NPHP1: variants seen among roughly 807,000 people sequenced by gnomAD.
NPHP1 encodes nephrocystin 1.
In NPHP1, 70 loss-of-function variants were observed where a neutral mutation model predicts 90.4. The ratio of observed to expected loss-of-function variants is 0.77; its 90% CI spans 0.64 to 0.95. The LOEUF (loss-of-function observed/expected upper bound fraction) is 0.95, where lower values mean the gene tolerates loss of function less well. NPHP1 is among the 40% of genes least tolerant of loss of function. The pLI is 0.00. For synonymous variants in NPHP1, 256 were observed against 271.7 expected (o/e 0.94, Z 0.57); for missense variants, 764 against 795.9 (o/e 0.96, Z 0.48).
intron 6 of NPHP1, among the ~76,000 whole-genome samples, chr2:110,167,653 T>C (rs1283465249): frequency 6.6e-6 from 1 of 152,112 alleles, no homozygotes; most frequent in Non-Finnish European, 1.5e-5. Context: ...AGTAAATTAC[T>C]GAACCCCTGA....
chr2:110,131,526 A>G (rs1679774049), intron 17 of NPHP1, among the ~76,000 whole-genome samples, 153 bp downstream of exon 17: 1 of 152,212 alleles, frequency 6.6e-6, no homozygotes, highest in Non-Finnish European at 1.5e-5. Context: ...GGATCTGAAG[A>G]TGTCCCATAA....
intron 2 of NPHP1, among the ~76,000 whole-genome samples, chr2:110,193,911 G>C (rs548791593): frequency 6.6e-6 from 1 of 152,204 alleles, no homozygotes; most frequent in African/African-American, 2.4e-5. Flanking sequence ...ATGACTACTG[G>C]ATACATAACG....
intron 11 of NPHP1, among the ~76,000 whole-genome samples, chr2:110,158,178 C>A (rs1432513661): frequency 2.0e-5 from 3 of 151,972 alleles, no homozygotes; most frequent in African/African-American, 7.2e-5. Flanking sequence ...TTATATGATT[C>A]CAATTCTTTT....
rs924850756 is a variant in NPHP1 at position 110,184,611 on chromosome 2, G to A, written c.144-4927C>T. 63 of 1,071,004 alleles carry A rather than the reference G, an allele frequency of 5.9e-5. No homozygotes were observed. The Admixed American group carries it at 6.6e-4, about 11-fold the overall frequency. The allele number at this position is 1,071,004 out of a possible 1,614,324, so 66.3% of individuals were successfully genotyped here. A position where few individuals can be genotyped will look rare whatever the true frequency, so the allele number is the denominator to read the frequency against. ...CCACTCCATCATGCGAATTGACATC[G>A]CAAGCTGGAACATCTCTCGCTTCCT... On this transcript the variant is annotated intron_variant, in intron 2 of 19. Transcript: ENST00000445609.
At chr2:110,143,909 C>T (rs965470526) in intron 15 of NPHP1, 1 of 421,158 alleles carries the variant, frequency 2.4e-6, no homozygotes, top group East Asian at 5.1e-5. Flanking sequence ...GCATCCCAGA[C>T]CCCAAACTCC....
At chr2:110,177,994 G>GC (rs768832454) in intron 4 of NPHP1, 9 of 200,808 alleles carry the variant, frequency 4.5e-5, no homozygotes, top group Non-Finnish European at 7.1e-5. Context: ...TCCTGCCTCA[G>GC]CCTTCCAAAA....
At chr2:110,143,698 A>T in intron 15 of NPHP1, 57 bp from the exon 16 acceptor site, 1 of 1,166,368 alleles carries the variant, frequency 8.6e-7, no homozygotes, top group Non-Finnish European at 1.3e-6. Flanking sequence ...GACAGTGAGT[A>T]TAATAAAACA....
At chr2:110,138,309 C>T (rs976957582) in intron 16 of NPHP1, among the ~76,000 whole-genome samples, 3 of 151,828 alleles carry the variant, frequency 2.0e-5, no homozygotes, top group Non-Finnish European at 2.9e-5. Flanking sequence ...TACCCTAAAA[C>T]TTATAATAAA....
At chr2:110,191,396 C>T (rs1684722746) in intron 2 of NPHP1, among the ~76,000 whole-genome samples, 3 of 152,196 alleles carry the variant, frequency 2.0e-5, no homozygotes, top group Admixed American at 2.0e-4. Context: ...GGGTCCTACG[C>T]CCAGAGAGCC....
rs763221050 is a variant in NPHP1 at position 110,148,003 on chromosome 2, C to A, written c.1182G>T (p.Leu394Phe). The A allele has an allele frequency of 1.2e-6, 2 of 1,607,654 alleles. No individual in the cohort carries two copies. The highest frequency in any genetic ancestry group is 1.7e-6 in the Non-Finnish European group (2 of 1,174,132). ...SPQVTRILPCLLDGDCFIRSN... is the reference protein window; with the variant it reads ...SPQVTRILPCFLDGDCFIRSN... ...ACCTGATAAAGCAATCACCATCAAG[C>A]AAACATGGTAAGATGCGAGTAACCT... Residue 394 changes from leucine (L) to phenylalanine (F), a missense_variant, in exon 13 of 20, where the codon TTG (leucine) becomes TTT (phenylalanine). By Grantham distance (22) the Leu-to-Phe change is conservative (BLOSUM62 0). Transcript: ENST00000445609.
chr2:110,199,094 G>GA (rs1032230632), intron 2 of NPHP1, among the ~76,000 whole-genome samples: 1 of 151,986 alleles, frequency 6.6e-6, no homozygotes, highest in African/African-American at 2.4e-5. Flanking sequence ...ATGATGCTAT[G>GA]AAAAAAGAAC....
chr2:110,178,724 A>G, intron 3 of NPHP1, 177 bp from the exon 4 acceptor site: 1 of 588,884 alleles, frequency 1.7e-6, no homozygotes, highest in Non-Finnish European at 2.9e-6. Context: ...GTTGGAATGC[A>G]AACCAAATGA....
chr2:110,191,738 C>G (rs1302725711), intron 2 of NPHP1, among the ~76,000 whole-genome samples: 2 of 152,170 alleles, frequency 1.3e-5, no homozygotes, highest in African/African-American at 2.4e-5. Flanking sequence ...CCCAAGTAGC[C>G]TAACTGGGAG....
chr2:110,162,155 T>C (rs1227756487), intron 9 of NPHP1, among the ~76,000 whole-genome samples: 2 of 152,158 alleles, frequency 1.3e-5, no homozygotes, highest in Non-Finnish European at 2.9e-5. Flanking sequence ...GCTTCTACTC[T>C]TGCCAGATGC....
At chr2:110,170,790 G>A (rs995460151) in intron 4 of NPHP1, among the ~76,000 whole-genome samples, 1 of 152,116 alleles carries the variant, frequency 6.6e-6, no homozygotes, top group African/African-American at 2.4e-5. Flanking sequence ...CTTGAGAGAT[G>A]ATATGGAATT....
In NPHP1 at chr2:110,143,573, A is replaced by G; in HGVS notation, c.1498T>C (p.Ser500Pro). Reference protein sequence around the residue: ...RQPQLLVKLRSLNRRSRNVLS... With the variant: ...RQPQLLVKLRPLNRRSRNVLS... ...ACATTTCTTGATCTTCTGTTCAAGGATCTCAGTTTCACTAGAAGTTGAGGC... is the reference window on the plus strand; with the variant it reads ...ACATTTCTTGATCTTCTGTTCAAGGGTCTCAGTTTCACTAGAAGTTGAGGC... Residue 500 changes from serine (S) to proline (P), a missense_variant, in exon 16 of 20, where the codon TCC becomes CCC. Coordinates refer to ENST00000445609, the MANE Select transcript of NPHP1 (RefSeq NM_001128178.3). The G allele has an allele frequency of 6.2e-7, 1 of 1,613,422 alleles. No homozygotes were observed. Among genetic ancestry groups the G allele is most frequent in the Non-Finnish European group, 8.5e-7 (1 of 1,179,344 alleles).
At chr2:110,186,628 C>T (rs1684299962) in intron 2 of NPHP1, among the ~76,000 whole-genome samples, 2 of 152,102 alleles carry the variant, frequency 1.3e-5, no homozygotes, top group African/African-American at 4.8e-5. Context: ...CAGTAGTCTC[C>T]CCCATGCTGT....
intron 15 of NPHP1, 174 bp from the exon 16 acceptor site, chr2:110,143,815 G>T (rs1680821960): frequency 1.2e-5 from 7 of 603,876 alleles, no homozygotes. Flanking sequence ...GCACAGGATT[G>T]TTTGCTAAAT....
chr2:110,151,890 C>G (rs575464200), intron 11 of NPHP1, among the ~76,000 whole-genome samples: 2 of 152,100 alleles, frequency 1.3e-5, no homozygotes, highest in Non-Finnish European at 2.9e-5. Flanking sequence ...CTGCTTTTAT[C>G]TTTTCAATTT....
Sources: gnomAD v4.1 joint callset for allele counts (sites outside exome capture counted in the v4.1 genomes callset) on GRCh38, gnomAD v4.1.1 for gene constraint, MANE v1.5 for transcripts, NCBI Gene and HGNC (gene_info 2026-07-23, HGNC 2026-07-21) for gene names.